The following ERAP1 variants were observed in gnomAD, a reference collection of about 807,000 sequenced individuals.
The protein encoded by ERAP1 is endoplasmic reticulum aminopeptidase 1.
In ERAP1, 86 loss-of-function variants were observed where a neutral mutation model predicts 103.7. The ratio of observed to expected loss-of-function variants is 0.83; its 90% CI spans 0.70 to 0.99. The LOEUF is 0.99. ERAP1 is among the 50% of genes least tolerant of loss of function. The probability of loss-of-function intolerance (pLI) is 0.00; values close to 1 mark genes in which losing one functional copy is unlikely to be tolerated. For synonymous variants in ERAP1, 398 were observed against 402.4 expected (o/e 0.99, Z 0.13); for missense variants, 1,009 against 1,128.4 (o/e 0.89, Z 1.52).
At chr5:96,847,085 A>C in the ERAP1 span, among the ~76,000 whole-genome samples, 4 of 60,330 alleles carry the variant, frequency 6.6e-5, no homozygotes, top group Non-Finnish European at 1.2e-4. Flanking sequence ...CTAAAATACA[A>C]AAAAAAAAAA....
At chr5:96,892,758 G>C in the ERAP1 span, among the ~76,000 whole-genome samples, 197 of 152,224 alleles carry the variant, frequency 1.3e-3, 1 homozygote, top group African/African-American at 4.5e-3. Flanking sequence ...GCACAGAATT[G>C]GAAACCTTAC....
the ERAP1 span, among the ~76,000 whole-genome samples, chr5:96,824,672 T>G: frequency 2.6e-5 from 4 of 152,196 alleles, no homozygotes; most frequent in African/African-American, 9.7e-5. Context: ...AATGTCACCT[T>G]CCCTGACCAT....
At chr5:96,870,431 G>C in the ERAP1 span, among the ~76,000 whole-genome samples, 2 of 151,994 alleles carry the variant, frequency 1.3e-5, no homozygotes, top group Non-Finnish European at 2.9e-5. Flanking sequence ...ACCAATTTCA[G>C]CCTTAGCCTT....
chr5:96,774,024 A>C (rs1773388564), downstream of ERAP1: 1 of 152,352 alleles, frequency 6.6e-6, no homozygotes, highest in African/African-American at 2.4e-5. Context: ...CCAGCTTAAA[A>C]TGCTATGTCT....
the ERAP1 span, among the ~76,000 whole-genome samples, chr5:96,840,765 G>C: frequency 1.3e-5 from 2 of 151,548 alleles, no homozygotes; most frequent in African/African-American, 4.8e-5. Context: ...GAGTGCAGTG[G>C]CATGATCTCG....
At chr5:96,886,767 GCTTCA>G in the ERAP1 span, 2 of 1,515,194 alleles carry the variant, frequency 1.3e-6, no homozygotes, top group Non-Finnish European at 1.8e-6. Flanking sequence ...TCTCTGAGTG[GCTTCA>G]CTTCATCAGG....
downstream of ERAP1, chr5:96,774,131 TCCC>T (rs1236698241): frequency 1.3e-5 from 2 of 152,526 alleles, no homozygotes; most frequent in African/African-American, 4.9e-5. Context: ...TATCTAATCC[TCCC>T]ATTTGGGCAG....
At chr5:96,859,060 TACACAC>T in the ERAP1 span, among the ~76,000 whole-genome samples, 39,630 of 144,532 alleles carry the variant, frequency 0.27, 5,241 homozygotes, top group East Asian at 0.33. Flanking sequence ...GCCACATGCA[TACACAC>T]ACACACACAC....
chr5:96,885,012 T>C, the ERAP1 span, among the ~76,000 whole-genome samples: 3 of 152,128 alleles, frequency 2.0e-5, no homozygotes, highest in African/African-American at 7.2e-5. Flanking sequence ...CCCATACACG[T>C]CTATTTAAGG....
the ERAP1 span, among the ~76,000 whole-genome samples, chr5:96,878,304 A>T: frequency 6.6e-6 from 1 of 152,208 alleles, no homozygotes; most frequent in Non-Finnish European, 1.5e-5. Context: ...TAAACTGGGG[A>T]TAAATACCTA....
the ERAP1 span, among the ~76,000 whole-genome samples, chr5:96,836,176 GTTTT>G: frequency 9.4e-6 from 1 of 106,682 alleles, no homozygotes; most frequent in African/African-American, 3.6e-5. Context: ...CACCTCTTTG[GTTTT>G]TTTTTTTTTT....
chr5:96,935,299 C>A, the ERAP1 span: 1 of 152,332 alleles, frequency 6.6e-6, no homozygotes, highest in Non-Finnish European at 1.5e-5. Flanking sequence ...GCAAGGCAGC[C>A]GCCAGCCCCG....
the ERAP1 span, among the ~76,000 whole-genome samples, chr5:96,867,636 T>C: frequency 0.012 from 1,783 of 152,282 alleles, 22 homozygotes; most frequent in Non-Finnish European, 0.018. Flanking sequence ...GGATTCCTCA[T>C]AGCCTCATGG....
the ERAP1 span, among the ~76,000 whole-genome samples, chr5:96,881,742 A>G: frequency 6.6e-6 from 1 of 152,174 alleles, no homozygotes; most frequent in Non-Finnish European, 1.5e-5. Context: ...CTAGGCATCA[A>G]GTCCACATTC....
the ERAP1 span, among the ~76,000 whole-genome samples, chr5:96,859,386 G>C: frequency 6.6e-6 from 1 of 152,112 alleles, no homozygotes; most frequent in Non-Finnish European, 1.5e-5. Flanking sequence ...GTTGAGTTGA[G>C]GGAACAGTTC....
the ERAP1 span, among the ~76,000 whole-genome samples, chr5:96,904,615 T>C: frequency 6.6e-6 from 1 of 152,186 alleles, no homozygotes; most frequent in South Asian, 2.1e-4. Context: ...AAAGGTGAGC[T>C]AAGAAGCAAG....
At chr5:96,909,906 C>A in the ERAP1 span, 1 of 769,922 alleles carries the variant, frequency 1.3e-6, no homozygotes, top group Non-Finnish European at 2.1e-6. Context: ...GTTTCATGCT[C>A]TCACATTGTA....
the ERAP1 span, among the ~76,000 whole-genome samples, chr5:96,854,696 G>A: frequency 6.6e-6 from 1 of 152,124 alleles, no homozygotes; most frequent in African/African-American, 2.4e-5. Flanking sequence ...AAGAAATTAT[G>A]CTATTATGGT....
chr5:96,776,041 A>G lies in ERAP1; in HGVS notation c.*355T>C. 1 of 1,179,988 alleles carries G rather than the reference A, an allele frequency of 8.5e-7. No homozygotes were observed. The highest frequency in any genetic ancestry group is 1.1e-6 in the Non-Finnish European group (1 of 936,412). 73.1% of individuals were successfully genotyped at this position (1,179,988 alleles called of 1,614,324 possible). On this transcript the variant is annotated 3_prime_UTR_variant, in exon 19 of 19. Coordinates refer to ENST00000443439, the MANE Select transcript of ERAP1 (RefSeq NM_001040458.3). ...GTAGTCGACTATTCAGAGTCTTTCG[A>G]GGAGACTGATGAAACAGTTTATGAA...
Sources: allele counts gnomAD v4.1 joint callset (sites outside exome capture counted in the v4.1 genomes callset), GRCh38; gene constraint gnomAD v4.1.1; transcripts MANE v1.5; gene names NCBI Gene and HGNC (gene_info 2026-07-23, HGNC 2026-07-21).